The following AGBL1 variants were observed in gnomAD, a reference collection of about 807,000 sequenced individuals.
AGBL1 encodes cytosolic carboxypeptidase 4.
A neutral mutation model predicts 118.9 loss-of-function variants in AGBL1; 130 were observed. That is an observed-to-expected ratio of 1.09 (90% CI 0.95 to 1.26). AGBL1 has a LOEUF of 1.26. Ranked by LOEUF, AGBL1 falls within the 50% of genes most tolerant of loss-of-function variation. The pLI, the probability that AGBL1 is intolerant of heterozygous loss-of-function variation, is 0.00. For synonymous variants in AGBL1, 555 were observed against 478.9 expected (o/e 1.16, Z -2.08); for missense variants, 1,584 against 1,298.1 (o/e 1.22, Z -3.38).
intron 22 of AGBL1, among the ~76,000 whole-genome samples, chr15:86,864,744 G>A (rs921659217): frequency 2.0e-5 from 3 of 152,118 alleles, no homozygotes; most frequent in East Asian, 1.9e-4. Flanking sequence ...CAACAAACAC[G>A]TGTTCAAAGA....
At chr15:86,800,629 A>G (rs917321118) in intron 22 of AGBL1, among the ~76,000 whole-genome samples, 1 of 152,182 alleles carries the variant, frequency 6.6e-6, no homozygotes, top group African/African-American at 2.4e-5. Flanking sequence ...TAAAAGTAAG[A>G]CATAATTTAA....
chr15:86,491,031 C>T (rs2346312), intron 18 of AGBL1, among the ~76,000 whole-genome samples: 1 of 151,930 alleles, frequency 6.6e-6, no homozygotes, highest in African/African-American at 2.4e-5. Flanking sequence ...TGTGGTTATA[C>T]AAAAATATAT....
chr15:86,205,584 G>C (rs887283226), intron 5 of AGBL1, among the ~76,000 whole-genome samples: 1 of 152,234 alleles, frequency 6.6e-6, no homozygotes, highest in Non-Finnish European at 1.5e-5. Flanking sequence ...CAATGAGTGA[G>C]AATTCCTGTT....
chr15:86,438,292 T>C (rs2082022668), intron 18 of AGBL1, among the ~76,000 whole-genome samples: 1 of 152,218 alleles, frequency 6.6e-6, no homozygotes, highest in African/African-American at 2.4e-5. Context: ...AGATCTGACA[T>C]GAAATGCTCA....
intron 22 of AGBL1, among the ~76,000 whole-genome samples, chr15:86,822,848 T>A (rs1365811275): frequency 6.6e-6 from 1 of 151,462 alleles, no homozygotes; most frequent in East Asian, 2.0e-4. Context: ...AGAGCAGGAT[T>A]TACAGTAAGT....
chr15:86,410,837 T>A (rs1227625773), intron 18 of AGBL1, among the ~76,000 whole-genome samples: 2 of 101,190 alleles, frequency 2.0e-5, no homozygotes, highest in African/African-American at 4.5e-5. Flanking sequence ...TATATATATA[T>A]ATATAATATA....
chr15:86,690,791 G>A (rs762925537), intron 22 of AGBL1, among the ~76,000 whole-genome samples: 1 of 152,086 alleles, frequency 6.6e-6, no homozygotes, highest in Non-Finnish European at 1.5e-5. Flanking sequence ...TGCTTGCTGA[G>A]AGGGTACTGT....
At chr15:86,742,049 G>A (rs1157865190) in intron 22 of AGBL1, among the ~76,000 whole-genome samples, 1 of 151,670 alleles carries the variant, frequency 6.6e-6, no homozygotes, top group Non-Finnish European at 1.5e-5. Flanking sequence ...GGAAGGGTAA[G>A]CTTTTTTGTG....
intron 5 of AGBL1, among the ~76,000 whole-genome samples, chr15:86,188,868 G>A (rs1435837395): frequency 3.3e-5 from 5 of 152,178 alleles, no homozygotes; most frequent in African/African-American, 1.2e-4. Context: ...AATATGTTGA[G>A]GATGAGAATG....
In AGBL1 at chr15:86,909,792, CATTA is replaced by C. The variant is rs1391394021; in HGVS notation, c.*2503_*2506del. Reference sequence around the variant, plus strand: ...AGAGGTGGGAATGATGCTAGCTTATCATTAATTATTATTTCAGCCCAAATTAGTT... The same window carrying C: ...AGAGGTGGGAATGATGCTAGCTTATCATTATTATTTCAGCCCAAATTAGTT... On this transcript the variant is annotated 3_prime_UTR_variant, in exon 23 of 23. Coordinates refer to ENST00000614907, the MANE Select transcript of AGBL1 (RefSeq NM_001386094.1). 1 of 152,146 alleles carries C rather than the reference CATTA, an allele frequency of 6.6e-6. No individual in the cohort carries two copies. Among genetic ancestry groups the C allele is most frequent in the Non-Finnish European group, 1.5e-5 (1 of 68,028 alleles). 9.4% of individuals were successfully genotyped at this position (152,146 alleles called of 1,614,324 possible).
At chr15:86,804,788 G>T (rs1261032107) in intron 22 of AGBL1, among the ~76,000 whole-genome samples, 3 of 152,140 alleles carry the variant, frequency 2.0e-5, no homozygotes, top group African/African-American at 4.8e-5. Flanking sequence ...TGTCTGCATA[G>T]AAGGAAAGCC....
intron 21 of AGBL1, among the ~76,000 whole-genome samples, chr15:86,667,206 GTATGTATCTATGTA>G (rs61406174): frequency 4.3e-5 from 2 of 46,774 alleles, no homozygotes; most frequent in South Asian, 8.2e-4. Context: ...AGATATCTAT[GTATGTATCTATGTA>G]TGTATGTATG....
intron 24 of AGBL1, among the ~76,000 whole-genome samples, chr15:87,016,130 A>T (rs1379470321): frequency 6.6e-6 from 1 of 152,200 alleles, no homozygotes; most frequent in African/African-American, 2.4e-5. Context: ...ATATCACGTC[A>T]TCATGACAGT....
chr15:86,536,069 C>T (rs2083422020), intron 19 of AGBL1, among the ~76,000 whole-genome samples: 1 of 152,128 alleles, frequency 6.6e-6, no homozygotes, highest in South Asian at 2.1e-4. Flanking sequence ...AGTTTGCTTC[C>T]ATATTCTTTT....
At chr15:86,193,018 T>C (rs930480054) in intron 5 of AGBL1, among the ~76,000 whole-genome samples, 3 of 152,166 alleles carry the variant, frequency 2.0e-5, no homozygotes, top group Non-Finnish European at 2.9e-5. Flanking sequence ...CAAAAATATT[T>C]TTAAATATTA....
At chr15:86,823,116 A>T (rs551715214) in intron 22 of AGBL1, among the ~76,000 whole-genome samples, 178 of 152,250 alleles carry the variant, frequency 1.2e-3, no homozygotes, top group Non-Finnish European at 2.0e-3. Flanking sequence ...ATGTAATGAA[A>T]CCTGGAGTCA....
chr15:86,429,549 G>A (rs1183349282), intron 18 of AGBL1, among the ~76,000 whole-genome samples: 2 of 152,216 alleles, frequency 1.3e-5, no homozygotes, highest in Admixed American at 6.5e-5. Context: ...CAACAGGCAA[G>A]TGTTGCACAA....
At chr15:86,237,200 T>C in intron 6 of AGBL1, among the ~76,000 whole-genome samples, 1 of 152,190 alleles carries the variant, frequency 6.6e-6, no homozygotes, top group Admixed American at 6.5e-5. Context: ...TAATAACTCC[T>C]ATAACAATAG....
intron 18 of AGBL1, among the ~76,000 whole-genome samples, chr15:86,422,966 G>T (rs2081812712): frequency 6.6e-6 from 1 of 152,188 alleles, no homozygotes; most frequent in African/African-American, 2.4e-5. Context: ...ACCAAAAACA[G>T]TCCAGGACTG....
Sources: gnomAD v4.1 joint callset for allele counts (sites outside exome capture counted in the v4.1 genomes callset) on GRCh38, gnomAD v4.1.1 for gene constraint, MANE v1.5 for transcripts, NCBI Gene and HGNC (gene_info 2026-07-23, HGNC 2026-07-21) for gene names.